The following SLC13A4 variants were observed in gnomAD, a reference collection of about 807,000 sequenced individuals.
The protein encoded by SLC13A4 is Na(+)/sulfate cotransporter SUT-1.
Under a neutral mutation model 72.7 loss-of-function variants are expected in SLC13A4, and 28 were observed. That is an observed-to-expected ratio of 0.39 (90% CI 0.29 to 0.53). The LOEUF (loss-of-function observed/expected upper bound fraction) is 0.53. Ranked by LOEUF, SLC13A4 falls within the 20% of genes least tolerant of loss-of-function variation. SLC13A4 has a pLI of 0.78. For synonymous variants in SLC13A4, 312 were observed against 325.5 expected, an observed-to-expected ratio of 0.96 and a Z score of 0.45; for missense variants, 653 against 788.0, an observed-to-expected ratio of 0.83 and a Z score of 2.05.
At chr7:135,683,318 A>AT in intron 15 of SLC13A4, 1 of 868,454 alleles carries the variant, frequency 1.2e-6, no homozygotes, top group Non-Finnish European at 1.4e-6. Context: ...AAAAAAAAAA[A>AT]AAAAAAGGAT....
In SLC13A4 at chr7:135,719,803, ATGTGTG is replaced by A. The variant is rs113694819; in HGVS notation, c.228+1586_228+1591del. Among the ~76,000 whole-genome samples, 88 of 104,970 alleles carry A rather than the reference ATGTGTG, an allele frequency of 8.4e-4. 1 individual carries two copies. The Middle Eastern group carries it at 0.022, about 26-fold the overall frequency. 68.9% of individuals were successfully genotyped at this position (104,970 alleles called of 152,430 possible). On this transcript the variant is annotated intron_variant, in intron 2 of 15. Transcript: ENST00000682651. The stretch of plus-strand genomic sequence containing the variant: ...CACATGTGTGTGTGTGTGTGTGTGT[ATGTGTG>A]TGTGTGTGTGTGTGTGTGTATAGCC...
chr7:135,682,953 C>G (rs896044864), intron 15 of SLC13A4, among the ~76,000 whole-genome samples: 1 of 152,002 alleles, frequency 6.6e-6, no homozygotes, highest in Admixed American at 6.6e-5. Flanking sequence ...CTGGGACACT[C>G]CATTCAAGGA....
In SLC13A4 at chr7:135,727,583, G is replaced by T. The variant is rs944319672; in HGVS notation, c.-87C>A. 6.2e-6 allele frequency: 9 copies of T among 1,462,604 alleles called. No individual in the cohort carries two copies. The highest frequency in any genetic ancestry group is 1.4e-5 in the African/African-American group (1 of 71,136). 90.6% of individuals were successfully genotyped at this position (1,462,604 alleles called of 1,614,324 possible). ...CTGGGCACTGCTCTCTATCCAGAAA[G>T]ACTTCTTAAACCTTTCTTGGCTTCC... On this transcript the variant is annotated 5_prime_UTR_variant, in exon 1 of 16. Transcript: ENST00000682651.
At chr7:135,721,316 G>C in intron 2 of SLC13A4, 79 bp downstream of exon 2, 4 of 1,547,154 alleles carry the variant, frequency 2.6e-6, no homozygotes, top group Non-Finnish European at 2.7e-6. Flanking sequence ...AGTGCTGGGT[G>C]AATCTCCCTT....
At chr7:135,700,641 T>C (rs1317303641) in intron 7 of SLC13A4, among the ~76,000 whole-genome samples, 1 of 152,206 alleles carries the variant, frequency 6.6e-6, no homozygotes, top group Non-Finnish European at 1.5e-5. Flanking sequence ...AGTGTAGCAA[T>C]TGGATACATC....
At chr7:135,724,841 C>G (rs1349243291) in intron 1 of SLC13A4, among the ~76,000 whole-genome samples, 2 of 152,218 alleles carry the variant, frequency 1.3e-5, no homozygotes, top group Admixed American at 6.5e-5. Context: ...TTTTCCCCTT[C>G]TAAAGCTTCC....
chr7:135,696,106 C>T (rs1161269161), intron 8 of SLC13A4, among the ~76,000 whole-genome samples: 2 of 152,188 alleles, frequency 1.3e-5, no homozygotes, highest in African/African-American at 2.4e-5. Flanking sequence ...GGATGGACCA[C>T]GCGAGAGCTG....
At chr7:135,718,984 G>T (rs2129495347) in intron 2 of SLC13A4, among the ~76,000 whole-genome samples, 1 of 152,240 alleles carries the variant, frequency 6.6e-6, no homozygotes, top group East Asian at 1.9e-4. Context: ...GACTATATTT[G>T]GACTAAGCTG....
intron 8 of SLC13A4, among the ~76,000 whole-genome samples, chr7:135,697,486 A>T (rs1384737604): frequency 6.7e-6 from 1 of 150,320 alleles, no homozygotes; most frequent in Non-Finnish European, 1.5e-5. Context: ...CCTCCTCCCC[A>T]CTGCACTGTC....
chr7:135,683,294 C>G (rs915058305), intron 15 of SLC13A4: 40 of 518,794 alleles, frequency 7.7e-5, no homozygotes, highest in Non-Finnish European at 1.8e-5. Flanking sequence ...GAGATTCTGT[C>G]TCAAAAAAAA....
Position 135,708,020 on chromosome 7 carries a change from G to A in SLC13A4, c.365+94C>T, listed in dbSNP as rs1796207540. 2.0e-6 allele frequency: 3 copies of A among 1,481,090 alleles called. No homozygotes were observed. In the Admixed American group the frequency reaches 5.8e-5, roughly 29 times the overall value. 91.7% of individuals were successfully genotyped at this position (1,481,090 alleles called of 1,614,324 possible). Reference sequence around the variant, plus strand: ...ACCCTTTGGTAAAAAAACAGCTGAAGTGGACATCCCGCAGTGACCTGAGAC... The same window carrying A: ...ACCCTTTGGTAAAAAAACAGCTGAAATGGACATCCCGCAGTGACCTGAGAC... On this transcript the variant is annotated intron_variant, in intron 3 of 15. Coordinates refer to ENST00000682651, the MANE Select transcript of SLC13A4 (RefSeq NM_001318192.2).
chr7:135,681,431 G>A lies in SLC13A4; in HGVS notation c.*132C>T. The A allele has an allele frequency of 8.8e-7, 1 of 1,133,822 alleles. No individual in the cohort carries two copies. Among genetic ancestry groups the A allele is most frequent in the Non-Finnish European group, 1.2e-6 (1 of 807,944 alleles). The allele number at this position is 1,133,822 out of a possible 1,614,324, so 70.2% of individuals were successfully genotyped here. A position where few individuals can be genotyped will look rare whatever the true frequency, so the allele number is the denominator to read the frequency against. On this transcript the variant is annotated 3_prime_UTR_variant, in exon 16 of 16. Coordinates refer to ENST00000682651, the MANE Select transcript of SLC13A4 (RefSeq NM_001318192.2). ...TCACTTGAGGTGGCGGAATCTTCTG[G>A]TGGAGGGATGCCCTCCGGCGTGGGT...
At position 135,707,915 on chromosome 7, in the gene SLC13A4, C is replaced by A. The variant is rs1279282270; in HGVS notation, c.365+199G>T. 7 of 559,818 alleles carry A rather than the reference C, an allele frequency of 1.3e-5. No homozygotes were observed. In the African/African-American group the frequency reaches 1.3e-4, roughly 10 times the overall value. The allele number at this position is 559,818 out of a possible 1,614,324, so 34.7% of individuals were successfully genotyped here. On this transcript the variant is annotated intron_variant, in intron 3 of 15. Transcript: ENST00000682651. ...GGGTAAATTCTTTGGATAATGATAG[C>A]AAGGTCACAGGTTTAAATCTCTACT... is the stretch of plus-strand genomic sequence containing the variant.
chr7:135,721,347 G>A (rs1223313637), intron 2 of SLC13A4, 48 bp downstream of exon 2: 1 of 1,603,704 alleles, frequency 6.2e-7, no homozygotes, highest in Non-Finnish European at 8.5e-7. Context: ...TCTCTTTCAG[G>A]GGCCCTGCAG....
chr7:135,694,478 G>C (rs955300895), intron 9 of SLC13A4, among the ~76,000 whole-genome samples: 4 of 152,136 alleles, frequency 2.6e-5, no homozygotes, highest in African/African-American at 4.8e-5. Context: ...CTGGTGTATT[G>C]GTGTGAAGTG....
intron 9 of SLC13A4, among the ~76,000 whole-genome samples, chr7:135,695,151 C>T (rs933241644): frequency 6.6e-6 from 1 of 152,212 alleles, no homozygotes; most frequent in Non-Finnish European, 1.5e-5. Context: ...AAGAACATTT[C>T]GTTGTAGAGC....
chr7:135,715,356 T>C (rs1210686425), intron 2 of SLC13A4, among the ~76,000 whole-genome samples: 1 of 139,934 alleles, frequency 7.1e-6, no homozygotes, highest in Non-Finnish European at 1.5e-5. Flanking sequence ...AGCGTGTGTA[T>C]GAGTGTATGT....
rs1394259850 is a variant in SLC13A4 at position 135,717,181 on chromosome 7, G to A, written c.228+4214C>T. Among the ~76,000 whole-genome samples, 4 of 151,980 alleles carry A rather than the reference G, an allele frequency of 2.6e-5. No homozygotes were observed. In the East Asian group the frequency reaches 7.7e-4, roughly 29 times the overall value. On this transcript the variant is annotated intron_variant, in intron 2 of 15. Transcript: ENST00000682651. ...CAACATGCTATTCAAGATTCTTTAG[G>A]TTCAGCTGTTCACCCAGCCCTCAAG...
At chr7:135,709,446 G>T (rs1456028300) in intron 2 of SLC13A4, among the ~76,000 whole-genome samples, 19 of 148,528 alleles carry the variant, frequency 1.3e-4, no homozygotes, top group Admixed American at 8.1e-4. Flanking sequence ...TTGAGACAGG[G>T]TCTCACTCTG....
Sources: gnomAD v4.1 joint callset for allele counts (sites outside exome capture counted in the v4.1 genomes callset) on GRCh38, gnomAD v4.1.1 for gene constraint, MANE v1.5 for transcripts, NCBI Gene and HGNC (gene_info 2026-07-23, HGNC 2026-07-21) for gene names.